EBF2: variants seen among roughly 807,000 people sequenced by gnomAD.
EBF2 encodes the protein EBF transcription factor 2, also known as transcription factor COE2.
In EBF2, 21 loss-of-function variants were observed where a neutral mutation model predicts 72.8. The ratio of observed to expected loss-of-function variants is 0.29; its 90% CI spans 0.20 to 0.42. The LOEUF is 0.42. Among genes scored for constraint, EBF2 ranks in the 10% least tolerant of loss-of-function variants. The pLI, the probability that EBF2 is intolerant of heterozygous loss-of-function variation, is 1.00. For synonymous variants in EBF2, 299 were observed against 274.2 expected (o/e 1.09, Z -0.89); for missense variants, 637 against 731.2 (o/e 0.87, Z 1.49).
chr8:25,850,181 C>T (rs1010283935), intron 15 of EBF2, among the ~76,000 whole-genome samples: 5 of 152,152 alleles, frequency 3.3e-5, no homozygotes, highest in Non-Finnish European at 7.3e-5. Flanking sequence ...GGCGCGATCT[C>T]AGCTTACTGC....
intron 6 of EBF2, among the ~76,000 whole-genome samples, chr8:25,942,775 C>T (rs1803697795): frequency 6.6e-6 from 1 of 152,230 alleles, no homozygotes; most frequent in Admixed American, 6.5e-5. Context: ...GCCTTCGTTC[C>T]TGCGGGCTCG....
At chr8:25,923,140 G>A (rs558078604) in intron 6 of EBF2, among the ~76,000 whole-genome samples, 9 of 152,248 alleles carry the variant, frequency 5.9e-5, no homozygotes, top group African/African-American at 1.2e-4. Context: ...TCGGGAAGGC[G>A]CACCGTGGAG....
chr8:25,917,286 G>GA (rs1157660551), intron 6 of EBF2, among the ~76,000 whole-genome samples: 7 of 151,402 alleles, frequency 4.6e-5, no homozygotes, highest in South Asian at 2.1e-4. Flanking sequence ...GGCTCACAGG[G>GA]AAAAAAATCT....
At chr8:26,029,867 G>A (rs887422450) in intron 6 of EBF2, among the ~76,000 whole-genome samples, 4 of 152,196 alleles carry the variant, frequency 2.6e-5, no homozygotes, top group Admixed American at 2.6e-4. Flanking sequence ...GATACCGTAA[G>A]CACCATTCCC....
chr8:26,044,732 T>C lies in EBF2; in HGVS notation c.128A>G (p.Gln43Arg). ...VGVVDANVAAQSGVALSRAHF... is the reference protein window; with the variant it reads ...VGVVDANVAARSGVALSRAHF... ...AATTGCGCGGCCGTGTCGTTACCTC[T>C]GCGCGGCGACATTAGCGTCCACCAC... The change falls in exon 1 of 16, where the codon CAG (glutamine) becomes CGG (arginine). Residue 43 changes from glutamine to arginine, a missense_variant. Physicochemically the swap from Gln to Arg is conservative, Grantham distance 43. This residue lies in a region of EBF2 where 174 missense variants were observed against 161.9 expected (regional missense o/e 1.07). Coordinates refer to ENST00000520164, the MANE Select transcript of EBF2 (RefSeq NM_022659.4). The surrounding 1 kb of genome is among the most constrained non-coding windows in gnomAD (Gnocchi z 4.1). The C allele has an allele frequency of 6.2e-7, 1 of 1,614,058 alleles. No individual in the cohort carries two copies. The highest frequency in any genetic ancestry group is 1.3e-5 in the African/African-American group (1 of 75,020).
chr8:25,945,088 G>GT (rs1554572369), intron 6 of EBF2, among the ~76,000 whole-genome samples: 2 of 127,380 alleles, frequency 1.6e-5, no homozygotes, highest in Non-Finnish European at 3.2e-5. Context: ...TTGTTCTGTT[G>GT]CCCCCCCCGC....
At chr8:25,864,520 ACACAC>A in intron 10 of EBF2, among the ~76,000 whole-genome samples, 1 of 151,976 alleles carries the variant, frequency 6.6e-6, no homozygotes, top group South Asian at 2.1e-4. Flanking sequence ...ACACACACAC[ACACAC>A]AAATGTATAT....
chr8:25,872,789 G>T (rs1219342995), intron 10 of EBF2, among the ~76,000 whole-genome samples: 1 of 152,220 alleles, frequency 6.6e-6, no homozygotes, highest in Non-Finnish European at 1.5e-5. Context: ...CAATGGAAGA[G>T]AAAACATGCT....
intron 6 of EBF2, among the ~76,000 whole-genome samples, chr8:25,989,232 G>C (rs1392846006): frequency 2.0e-5 from 3 of 152,198 alleles, no homozygotes; most frequent in African/African-American, 4.8e-5. Flanking sequence ...CTTCAGGAAT[G>C]AGTGGTGAAA....
Position 26,044,661 on chromosome 8 carries a change from G to A in EBF2, c.131+68C>T, listed in dbSNP as rs986135731. ...GAGAAAGGCACGGGGTGCGCGGGGG[G>A]GGTGCACACGGAGAGACAGACCGTA... is the stretch of plus-strand genomic sequence containing the variant. On this transcript the variant is annotated intron_variant, in intron 1 of 15. Coordinates refer to ENST00000520164, the MANE Select transcript of EBF2 (RefSeq NM_022659.4). This position sits in a 1 kb window ranked among gnomAD's most constrained non-coding sequence, Gnocchi z 4.1. The A allele has an allele frequency of 7.0e-6, 11 of 1,563,132 alleles. No homozygotes were observed. The highest frequency in any genetic ancestry group is 2.3e-5 in the East Asian group (1 of 44,102).
intron 7 of EBF2, among the ~76,000 whole-genome samples, chr8:25,893,123 C>T (rs1191440165): frequency 6.6e-6 from 1 of 152,040 alleles, no homozygotes; most frequent in Non-Finnish European, 1.5e-5. Flanking sequence ...TGCCTACCCC[C>T]CGAAAATAAT....
At chr8:25,897,236 T>C (rs1374978857) in intron 7 of EBF2, among the ~76,000 whole-genome samples, 1 of 152,042 alleles carries the variant, frequency 6.6e-6, no homozygotes, top group Non-Finnish European at 1.5e-5. Context: ...AAAAAATACA[T>C]ATTTTTAATT....
chr8:25,934,940 G>A (rs1247779137), intron 6 of EBF2, among the ~76,000 whole-genome samples: 7 of 152,160 alleles, frequency 4.6e-5, no homozygotes, highest in African/African-American at 1.7e-4. Context: ...GCGAACTGCC[G>A]CAGTTGCTTC....
chr8:25,898,674 A>G (rs1250886287), intron 7 of EBF2, among the ~76,000 whole-genome samples: 3 of 152,236 alleles, frequency 2.0e-5, no homozygotes, highest in Non-Finnish European at 4.4e-5. Context: ...TTTGAGAGCC[A>G]CAGGGGAGCC....
At chr8:25,949,787 G>T (rs1180448863) in intron 6 of EBF2, among the ~76,000 whole-genome samples, 2 of 152,170 alleles carry the variant, frequency 1.3e-5, no homozygotes, top group Non-Finnish European at 2.9e-5. Context: ...AGAATGGAAG[G>T]TGACCACTTG....
In EBF2 at chr8:26,004,117, G is replaced by GAA. The variant is rs34762684; in HGVS notation, c.551+28966_551+28967dup. Among the ~76,000 whole-genome samples the GAA allele has an allele frequency of 2.1e-3, 313 of 146,992 alleles. 2 individuals are homozygous for GAA. Among genetic ancestry groups the GAA allele is most frequent in the Middle Eastern group, 7.2e-3 (2 of 276 alleles). ...GGACAAGACTGACATGTTAAAAAAA[G>GAA]AAAAAAAAAAAGGATTAAAACTACT... On this transcript the variant is annotated intron_variant, in intron 6 of 15. Transcript: ENST00000520164.
chr8:25,917,063 C>A (rs1172333246), intron 6 of EBF2, among the ~76,000 whole-genome samples: 1 of 152,130 alleles, frequency 6.6e-6, no homozygotes, highest in African/African-American at 2.4e-5. Flanking sequence ...AAGTGGCAAG[C>A]AGTTGACTGT....
intron 2 of EBF2, 123 bp downstream of exon 2, chr8:26,041,972 C>G (rs994585595): frequency 7.1e-7 from 1 of 1,409,052 alleles, no homozygotes; most frequent in Non-Finnish European, 9.7e-7. Context: ...GGGTGAGTAG[C>G]CTCGATTTAT....
intron 6 of EBF2, among the ~76,000 whole-genome samples, chr8:25,953,547 C>T (rs926202845): frequency 1.3e-5 from 2 of 152,154 alleles, no homozygotes; most frequent in African/African-American, 4.8e-5. Flanking sequence ...TCTTCCAGTC[C>T]CATACCGCAG....
Sources: allele counts gnomAD v4.1 joint callset (sites outside exome capture counted in the v4.1 genomes callset), GRCh38; gene constraint gnomAD v4.1.1; regional missense constraint gnomAD v4.1.1; non-coding constraint Gnocchi (gnomAD v3.1); transcripts MANE v1.5; gene names NCBI Gene and HGNC (gene_info 2026-07-23, HGNC 2026-07-21).